Variants in RUFY2 observed in about 807,000 individuals in gnomAD.
RUFY2 encodes the protein RUN and FYVE domain containing 2, also known as RUN and FYVE domain-containing protein 2.
In RUFY2, 49 loss-of-function variants were observed where a neutral mutation model predicts 94.4. The observed-to-expected ratio is 0.52, with a 90% CI of 0.41 to 0.66. The LOEUF (loss-of-function observed/expected upper bound fraction) is 0.66. RUFY2 is among the 30% of genes least tolerant of loss of function. The pLI is 0.00. For missense variants in RUFY2, 541 were observed against 692.8 expected (o/e 0.78, Z 2.46); for synonymous variants, 255 against 235.7 (o/e 1.08, Z -0.75).
intron 13 of RUFY2, among the ~76,000 whole-genome samples, chr10:68,374,574 A>C (rs546617639): frequency 9.2e-5 from 14 of 152,334 alleles, no homozygotes; most frequent in African/African-American, 3.4e-4. Flanking sequence ...TTACAGTTGG[A>C]TATTTCAACA....
At chr10:68,399,893 T>C (rs1404898903) in intron 3 of RUFY2, among the ~76,000 whole-genome samples, 10 of 152,120 alleles carry the variant, frequency 6.6e-5, no homozygotes, top group African/African-American at 2.4e-4. Context: ...GCAATTCTCC[T>C]GCCTCAGCCT....
intron 15 of RUFY2, among the ~76,000 whole-genome samples, chr10:68,360,897 C>CAAAT (rs56749024): frequency 1.3e-4 from 19 of 148,750 alleles, no homozygotes; most frequent in Non-Finnish European, 2.2e-4. Flanking sequence ...GACCCCGTCT[C>CAAAT]AAATAAATAA....
intron 15 of RUFY2, 82 bp downstream of exon 15, chr10:68,363,508 C>A: frequency 1.1e-6 from 1 of 889,606 alleles, no homozygotes. Flanking sequence ...TATTTAAACT[C>A]TTCTGCCTAA....
Position 68,394,395 on chromosome 10 carries a change from C to G in RUFY2, c.455G>C (p.Gly152Ala). 1 of 1,613,566 alleles carries G rather than the reference C, an allele frequency of 6.2e-7. No individual in the cohort carries two copies. Among genetic ancestry groups the G allele is most frequent in the Non-Finnish European group, 8.5e-7 (1 of 1,179,598 alleles). Reference sequence around the variant, plus strand: ...GATCACATTCAGGCCAACCAGCAGCCCAACAATTACTGCTCCTTCTTCTTC... The same window carrying G: ...GATCACATTCAGGCCAACCAGCAGCGCAACAATTACTGCTCCTTCTTCTTC... ...MMEEEGAVIV[G>A]LLVGLNVIDA... The change falls in exon 5 of 18, where the codon GGG (glycine) becomes GCG (alanine). Residue 152 changes from glycine (G) to alanine (A), a missense_variant. Transcript: ENST00000602465.
chr10:68,401,670 G>A lies in RUFY2; in HGVS notation c.246C>T (p.Tyr82=). ...TAGCTCCTATTTCCTCTGCTTCGGGGTACAGCTTCTCCACCAGTTCCAAAG... is the reference window on the plus strand; with the variant it reads ...TAGCTCCTATTTCCTCTGCTTCGGGATACAGCTTCTCCACCAGTTCCAAAG... ...WGPLELVEKL[Y]PEAEEIGASV... Residue 82 remains tyrosine (Y), a synonymous_variant, in exon 3 of 18, where the codon TAC becomes TAT. Coordinates refer to ENST00000602465, the MANE Select transcript of RUFY2 (RefSeq NM_001330103.2). The A allele has an allele frequency of 3.1e-6, 5 of 1,613,946 alleles. No homozygotes were observed. The highest frequency in any genetic ancestry group is 4.2e-6 in the Non-Finnish European group (5 of 1,179,914).
At chr10:68,377,055 A>G in intron 12 of RUFY2, 83 bp from the exon 13 acceptor site, 1 of 1,566,474 alleles carries the variant, frequency 6.4e-7, no homozygotes, top group Non-Finnish European at 8.6e-7. Flanking sequence ...TAAAAGAAAA[A>G]TGGGGAAATA....
At chr10:68,378,519 G>T in intron 12 of RUFY2, 1 of 1,463,188 alleles carries the variant, frequency 6.8e-7, no homozygotes. Flanking sequence ...TTATAAAATT[G>T]TTGATTCTCT....
At chr10:68,354,321 C>A (rs2046900078) in intron 16 of RUFY2, among the ~76,000 whole-genome samples, 1 of 152,030 alleles carries the variant, frequency 6.6e-6, no homozygotes, top group African/African-American at 2.4e-5. Context: ...AGACTATAGA[C>A]CTGCACCACC....
At chr10:68,393,770 T>G in intron 6 of RUFY2, 1 of 330,606 alleles carries the variant, frequency 3.0e-6, no homozygotes, top group Non-Finnish European at 5.4e-6. Context: ...TAAACCAGTA[T>G]TTGCAAACTT....
intron 6 of RUFY2, 120 bp downstream of exon 6, chr10:68,393,952 TGAA>T (rs1274222503): frequency 7.1e-7 from 1 of 1,409,898 alleles, no homozygotes; most frequent in Non-Finnish European, 9.3e-7. Context: ...GAAAATGAAA[TGAA>T]GAAGTCACAG....
At chr10:68,364,935 A>G (rs1424893289) in intron 13 of RUFY2, among the ~76,000 whole-genome samples, 2 of 152,090 alleles carry the variant, frequency 1.3e-5, no homozygotes, top group African/African-American at 4.8e-5. Context: ...AAAAAAACAA[A>G]CACAAATCAC....
At chr10:68,346,982 C>T (rs117605497) in intron 16 of RUFY2, among the ~76,000 whole-genome samples, 1,715 of 152,030 alleles carry the variant, frequency 0.011, 16 homozygotes, top group South Asian at 0.032. Context: ...AACCAGGCTG[C>T]GTGGCATAAG....
intron 3 of RUFY2, among the ~76,000 whole-genome samples, chr10:68,398,421 G>A (rs2050566353): frequency 1.3e-5 from 2 of 152,120 alleles, no homozygotes; most frequent in East Asian, 1.9e-4. Context: ...GGAGGCCAAG[G>A]CGGGTGGATC....
intron 15 of RUFY2, among the ~76,000 whole-genome samples, chr10:68,363,262 C>T (rs1232731427): frequency 6.6e-6 from 1 of 152,066 alleles, no homozygotes; most frequent in African/African-American, 2.4e-5. Flanking sequence ...CTGCAAACTC[C>T]ACCTCCTGGG....
intron 8 of RUFY2, among the ~76,000 whole-genome samples, chr10:68,384,412 T>C (rs2049324022): frequency 6.6e-6 from 1 of 152,244 alleles, no homozygotes; most frequent in South Asian, 2.1e-4. Context: ...TTATTTGTTA[T>C]GCTTATAATA....
At chr10:68,371,131 C>CAAAA (rs58880698) in intron 13 of RUFY2, among the ~76,000 whole-genome samples, 2 of 59,190 alleles carry the variant, frequency 3.4e-5, no homozygotes, top group East Asian at 5.2e-4. Flanking sequence ...GGCTCTGTCT[C>CAAAA]AAAAAAAAAA....
At chr10:68,351,121 CATT>C (rs1421722357) in intron 16 of RUFY2, among the ~76,000 whole-genome samples, 45 of 119,572 alleles carry the variant, frequency 3.8e-4, no homozygotes, top group African/African-American at 1.2e-3. Context: ...TGTATCCATA[CATT>C]TTTTTTTTTT....
chr10:68,386,179 G>A (rs1256284913), intron 7 of RUFY2, 51 bp from the exon 8 acceptor site: 6 of 1,463,096 alleles, frequency 4.1e-6, no homozygotes, highest in Middle Eastern at 1.8e-4. Context: ...AACTCAAAAA[G>A]GCACGAAAAA....
chr10:68,366,885 A>AT (rs2047890535), intron 13 of RUFY2, among the ~76,000 whole-genome samples: 4 of 144,450 alleles, frequency 2.8e-5, no homozygotes, highest in South Asian at 4.2e-4. Flanking sequence ...ATATATATAT[A>AT]AATATATATA....
Sources: allele counts gnomAD v4.1 joint callset (sites outside exome capture counted in the v4.1 genomes callset), GRCh38; gene constraint gnomAD v4.1.1; transcripts MANE v1.5; gene names NCBI Gene and HGNC (gene_info 2026-07-23, HGNC 2026-07-21).